PCDHGB1: variants seen among roughly 807,000 people sequenced by gnomAD.
PCDHGB1 encodes protocadherin gamma-B1.
A neutral mutation model predicts 56.6 loss-of-function variants in PCDHGB1; 34 were observed. The observed-to-expected ratio is 0.60, with a 90% CI of 0.46 to 0.80. The LOEUF (loss-of-function observed/expected upper bound fraction) is 0.80. PCDHGB1 is among the 30% of genes least tolerant of loss of function. The probability of loss-of-function intolerance (pLI) is 0.00; values close to 1 mark genes in which losing one functional copy is unlikely to be tolerated. For missense variants in PCDHGB1, 1,278 were observed against 1,204.6 expected, an observed-to-expected ratio of 1.06 and a Z score of -0.90; for synonymous variants, 561 against 505.9, an observed-to-expected ratio of 1.11 and a Z score of -1.46.
chr5:141,376,466 C>G, intron 1 of PCDHGB1: 3 of 1,614,200 alleles, frequency 1.9e-6, no homozygotes, highest in Non-Finnish European at 2.5e-6. Flanking sequence ...TCTGATAACT[C>G]AGGATTTACT....
In PCDHGB1 at chr5:141,389,714, C is replaced by T. The variant is rs771532940; in HGVS notation, c.2409+37045C>T. Reference sequence around the variant, plus strand: ...TGTCCTACCACGTGCTGCAGGCTAGCGAGCCCGGGCTCTTCAGCCTGGGGC... The same window carrying T: ...TGTCCTACCACGTGCTGCAGGCTAGTGAGCCCGGGCTCTTCAGCCTGGGGC... On this transcript the variant is annotated intron_variant, in intron 1 of 3. Transcript: ENST00000523390. 9 of 1,612,418 alleles carry T rather than the reference C, an allele frequency of 5.6e-6. No individual in the cohort carries two copies. In the Admixed American group the frequency reaches 1.2e-4, roughly 21 times the overall value.
chr5:141,417,111 G>A (rs1014827063), intron 1 of PCDHGB1: 13 of 152,012 alleles, frequency 8.6e-5, no homozygotes, highest in African/African-American at 2.7e-4. Context: ...AAGCAATACA[G>A]GACACCCTGG....
intron 2 of PCDHGB1, among the ~76,000 whole-genome samples, chr5:141,502,894 G>C (rs1342496006): frequency 6.8e-6 from 1 of 147,968 alleles, no homozygotes; most frequent in Non-Finnish European, 1.5e-5. Context: ...AGGGAGTCTA[G>C]CTCTGTTGCC....
intron 1 of PCDHGB1, chr5:141,360,144 G>A (rs1761438795): frequency 6.3e-7 from 1 of 1,596,148 alleles, no homozygotes; most frequent in Non-Finnish European, 8.6e-7. Context: ...AGATGAAAGC[G>A]AGCTCAGGGA....
rs201006002 is a variant in PCDHGB1, at chr5:141,432,497, C to T, written c.2410-62310C>T. 7 of 1,614,062 alleles carry T rather than the reference C, an allele frequency of 4.3e-6. 1 individual carries two copies. In the South Asian group the frequency reaches 6.6e-5, roughly 15 times the overall value. On this transcript the variant is annotated intron_variant, in intron 1 of 3. Transcript: ENST00000523390. This position sits in a 1 kb window ranked among gnomAD's most constrained non-coding sequence, Gnocchi z 6.0. Reference sequence around the variant, plus strand: ...TTCCACTGGCGTGGAGCTGGCTCCCCGCTCCGCAGAGCCCGGCTACCTGGT... The same window carrying T: ...TTCCACTGGCGTGGAGCTGGCTCCCTGCTCCGCAGAGCCCGGCTACCTGGT...
At chr5:141,473,283 A>G (rs2099318531) in intron 1 of PCDHGB1, among the ~76,000 whole-genome samples, 1 of 152,324 alleles carries the variant, frequency 6.6e-6, no homozygotes, top group Non-Finnish European at 1.5e-5. Flanking sequence ...TTATTTTACT[A>G]TGTCAGTAGC....
chr5:141,427,726 T>G (rs2097061742), intron 1 of PCDHGB1: 1 of 1,155,034 alleles, frequency 8.7e-7, no homozygotes, highest in Non-Finnish European at 1.3e-6. Context: ...GACCTAGGGC[T>G]GAATGGCCAA....
At chr5:141,375,358 G>C in intron 1 of PCDHGB1, 1 of 1,613,810 alleles carries the variant, frequency 6.2e-7, no homozygotes, top group Non-Finnish European at 8.5e-7. Context: ...TGACAGCCAC[G>C]GACAAAGGAA....
chr5:141,360,013 A>G (rs1033161220), intron 1 of PCDHGB1: 60 of 1,245,546 alleles, frequency 4.8e-5, no homozygotes, highest in Non-Finnish European at 6.2e-5. Flanking sequence ...CCAACCACAC[A>G]GAGAAGGCCA....
At chr5:141,418,718 A>G (rs1334115906) in intron 1 of PCDHGB1, 4 of 1,613,912 alleles carry the variant, frequency 2.5e-6, no homozygotes, top group Non-Finnish European at 3.4e-6. Flanking sequence ...TGTGGCTGAC[A>G]AAGCTCAGCA....
In PCDHGB1 at chr5:141,463,518, G is replaced by A. The variant is rs537466389; in HGVS notation, c.2410-31289G>A. 5.7e-5 allele frequency among the ~76,000 whole-genome samples: 8 copies of A among 139,140 alleles called. No individual in the cohort carries two copies. The East Asian group carries it at 1.3e-3, about 22-fold the overall frequency. The allele number at this position is 139,140 out of a possible 152,430, so 91.3% of individuals were successfully genotyped here. On this transcript the variant is annotated intron_variant, in intron 1 of 3. Coordinates refer to ENST00000523390, the MANE Select transcript of PCDHGB1 (RefSeq NM_018922.3). The stretch of plus-strand genomic sequence containing the variant: ...GGCTGGAGTGACGTGGCGTGATCTC[G>A]GCTTACTAGAAACTCCGGCTCCCGG...
intron 1 of PCDHGB1, among the ~76,000 whole-genome samples, chr5:141,363,513 T>A (rs995820646): frequency 6.6e-6 from 1 of 152,210 alleles, no homozygotes; most frequent in Non-Finnish European, 1.5e-5. Context: ...TCCTCCACAG[T>A]TACTATACTG....
chr5:141,508,971 T>C (rs776443205), intron 3 of PCDHGB1, among the ~76,000 whole-genome samples: 14 of 152,004 alleles, frequency 9.2e-5, no homozygotes, highest in Non-Finnish European at 2.1e-4. Context: ...ATGAAAGGGC[T>C]GGGGGTGGGG....
In PCDHGB1 at chr5:141,359,357, G is replaced by C. The variant is rs952787963; in HGVS notation, c.2409+6688G>C. Reference sequence around the variant, plus strand: ...GAATGAGAGTGCCACATGTTTTAAAGGCCTAGGAAAGCAGTAGATAATTTA... The same window carrying C: ...GAATGAGAGTGCCACATGTTTTAAACGCCTAGGAAAGCAGTAGATAATTTA... On this transcript the variant is annotated intron_variant, in intron 1 of 3. Transcript: ENST00000523390. Among the ~76,000 whole-genome samples, 72 of 151,956 alleles carry C rather than the reference G, an allele frequency of 4.7e-4. 2 individuals carry two copies. The highest frequency in any genetic ancestry group is 5.9e-5 in the Non-Finnish European group (4 of 67,988).
In PCDHGB1 at chr5:141,487,917, CTACAGTGCACAGGG is replaced by C; in HGVS notation, c.2410-6879_2410-6866del. On this transcript the variant is annotated intron_variant, in intron 1 of 3. Coordinates refer to ENST00000523390, the MANE Select transcript of PCDHGB1 (RefSeq NM_018922.3). The surrounding 1 kb of genome is among the most constrained non-coding windows in gnomAD (Gnocchi z 5.0). ...TGATGGAATGTGGGAGCACAGGAGG[CTACAGTGCACAGGG>C]TACAGTGCACCAGGCAGTCACTTGG... 1 of 647,994 alleles carries C rather than the reference CTACAGTGCACAGGG, an allele frequency of 1.5e-6. No homozygotes were observed. The highest frequency in any genetic ancestry group is 2.7e-6 in the Non-Finnish European group (1 of 377,182). 40.1% of individuals were successfully genotyped at this position (647,994 alleles called of 1,614,324 possible).
In PCDHGB1 at chr5:141,486,341, C is replaced by T; in HGVS notation, c.2410-8466C>T. On this transcript the variant is annotated intron_variant, in intron 1 of 3. Coordinates refer to ENST00000523390, the MANE Select transcript of PCDHGB1 (RefSeq NM_018922.3). The surrounding 1 kb of genome is among the most constrained non-coding windows in gnomAD (Gnocchi z 5.0). ...AAACGGAGATGTGAGCCTCCGCATTCCTGACCACTTGCCATTTGCCCTCAA... is the reference window on the plus strand; with the variant it reads ...AAACGGAGATGTGAGCCTCCGCATTTCTGACCACTTGCCATTTGCCCTCAA... The T allele has an allele frequency of 6.2e-7, 1 of 1,614,128 alleles. No individual in the cohort carries two copies. Among genetic ancestry groups the T allele is most frequent in the Non-Finnish European group, 8.5e-7 (1 of 1,179,992 alleles).
At chr5:141,372,583 G>A (rs1768892423) in intron 1 of PCDHGB1, 2 of 1,613,908 alleles carry the variant, frequency 1.2e-6, no homozygotes, top group Admixed American at 1.7e-5. Flanking sequence ...TTTCAGCCTG[G>A]TGTCTGCTTC....
At chr5:141,449,888 A>G (rs544369390) in intron 1 of PCDHGB1, among the ~76,000 whole-genome samples, 1 of 151,990 alleles carries the variant, frequency 6.6e-6, no homozygotes, top group Non-Finnish European at 1.5e-5. Flanking sequence ...ATGCAATATA[A>G]TTATTTAGCC....
intron 1 of PCDHGB1, chr5:141,372,267 G>A (rs763070594): frequency 6.2e-7 from 1 of 1,613,174 alleles, no homozygotes; most frequent in Non-Finnish European, 8.5e-7. Flanking sequence ...GCGCACGGGT[G>A]AGGTGCGCAC....
Sources: gnomAD v4.1 joint callset for allele counts (sites outside exome capture counted in the v4.1 genomes callset) on GRCh38, gnomAD v4.1.1 for gene constraint, Gnocchi (gnomAD v3.1) non-coding constraint, MANE v1.5 for transcripts, NCBI Gene and HGNC (gene_info 2026-07-23, HGNC 2026-07-21) for gene names.